ADGRL2: variants seen among roughly 807,000 people sequenced by gnomAD.
ADGRL2 encodes the protein adhesion G protein-coupled receptor L2.
ADGRL2 carries 44 observed loss-of-function variants against 157.4 expected under a neutral mutation model. The ratio of observed to expected loss-of-function variants is 0.28; its 90% CI spans 0.22 to 0.36. ADGRL2 has a LOEUF of 0.36. Ranked by LOEUF, ADGRL2 falls within the 10% of genes least tolerant of loss-of-function variation. ADGRL2 has a pLI of 1.00. For missense variants in ADGRL2, 1,510 were observed against 1,768.9 expected (o/e 0.85, Z 2.63); for synonymous variants, 585 against 624.7 (o/e 0.94, Z 0.95).
intron 2 of ADGRL2, among the ~76,000 whole-genome samples, chr1:81,903,730 C>T (rs370682658): frequency 7.6e-6 from 1 of 131,956 alleles, no homozygotes; most frequent in Non-Finnish European, 1.6e-5. Flanking sequence ...TATATATATA[C>T]ATTATATATA....
At chr1:81,646,800 A>G (rs1284952630) in intron 3 of ADGRL2, among the ~76,000 whole-genome samples, 1 of 152,162 alleles carries the variant, frequency 6.6e-6, no homozygotes, top group Non-Finnish European at 1.5e-5. Flanking sequence ...TGTCTGACAT[A>G]GGCCCTGCCA....
rs967848187 is a variant in ADGRL2, at chr1:81,951,897, A to G, written c.1609-60A>G. On this transcript the variant is annotated intron_variant, in intron 8 of 23. Coordinates refer to ENST00000686636, the MANE Select transcript of ADGRL2 (RefSeq NM_001366006.2). ...CACCACAATAAAGATACTCAAGGAGAACTAGAAGCTGTAAACAGAAAAAAA... is the reference window on the plus strand; with the variant it reads ...CACCACAATAAAGATACTCAAGGAGGACTAGAAGCTGTAAACAGAAAAAAA... The G allele has an allele frequency of 8.9e-6, 12 of 1,346,102 alleles. No individual in the cohort carries two copies. The Admixed American group carries it at 2.7e-4, about 30-fold the overall frequency. 83.4% of individuals were successfully genotyped at this position (1,346,102 alleles called of 1,614,324 possible). A position where few individuals can be genotyped will look rare whatever the true frequency, so the allele number is the denominator to read the frequency against.
At chr1:81,770,964 T>C (rs2086345975) in intron 2 of ADGRL2, among the ~76,000 whole-genome samples, 2 of 152,150 alleles carry the variant, frequency 1.3e-5, no homozygotes, top group South Asian at 2.1e-4. Flanking sequence ...AACTTTCTTA[T>C]TAATTCTCAA....
chr1:81,684,188 A>G (rs1051923792), intron 3 of ADGRL2, among the ~76,000 whole-genome samples: 1 of 152,166 alleles, frequency 6.6e-6, no homozygotes, highest in South Asian at 2.1e-4. Flanking sequence ...TTCTACTTTC[A>G]GTTCTTTAAG....
chr1:81,473,820 G>A (rs962985324), intron 2 of ADGRL2, among the ~76,000 whole-genome samples: 1 of 151,976 alleles, frequency 6.6e-6, no homozygotes, highest in Non-Finnish European at 1.5e-5. Flanking sequence ...CTTCAAAAGA[G>A]AACCATTTGT....
intron 17 of ADGRL2, among the ~76,000 whole-genome samples, chr1:81,972,453 A>G (rs969526962): frequency 6.6e-6 from 1 of 152,190 alleles, no homozygotes; most frequent in Non-Finnish European, 1.5e-5. Flanking sequence ...AAGATACCAA[A>G]TGAATATACT....
At chr1:81,677,034 T>C (rs2083009350) in intron 3 of ADGRL2, among the ~76,000 whole-genome samples, 3 of 151,444 alleles carry the variant, frequency 2.0e-5, no homozygotes, top group Non-Finnish European at 2.9e-5. Context: ...TTGCCCAGGC[T>C]GGAGTGCAAT....
intron 1 of ADGRL2, among the ~76,000 whole-genome samples, chr1:81,403,945 G>T (rs534987311): frequency 1.3e-5 from 2 of 151,720 alleles, no homozygotes; most frequent in African/African-American, 4.8e-5. Context: ...CTACAGGTGC[G>T]CACCACCACA....
At chr1:81,380,942 T>G (rs1266676821) in intron 1 of ADGRL2, among the ~76,000 whole-genome samples, 1 of 152,122 alleles carries the variant, frequency 6.6e-6, no homozygotes, top group African/African-American at 2.4e-5. Flanking sequence ...ATGAAATATA[T>G]AAATAAATAA....
At chr1:81,592,339 A>G (rs1298560079) in intron 3 of ADGRL2, among the ~76,000 whole-genome samples, 1 of 152,232 alleles carries the variant, frequency 6.6e-6, no homozygotes, top group Non-Finnish European at 1.5e-5. Flanking sequence ...AAATTGTTAA[A>G]TGAATGTGTT....
intron 1 of ADGRL2, among the ~76,000 whole-genome samples, chr1:81,434,834 A>G (rs796650387): frequency 1.4e-3 from 213 of 152,302 alleles, no homozygotes; most frequent in African/African-American, 4.8e-3. Flanking sequence ...ACTGGGCTTA[A>G]GTCACTGCTC....
At chr1:81,553,913 C>A (rs1028302850) in intron 2 of ADGRL2, among the ~76,000 whole-genome samples, 2 of 152,140 alleles carry the variant, frequency 1.3e-5, no homozygotes, top group Non-Finnish European at 2.9e-5. Flanking sequence ...GCAAATAGAA[C>A]CAACACTGTT....
chr1:81,941,988 T>C, intron 4 of ADGRL2, 46 bp from the exon 5 acceptor site: 1 of 755,946 alleles, frequency 1.3e-6, no homozygotes, highest in Non-Finnish European at 2.5e-6. Context: ...TTTTTCTTTT[T>C]TCCTTGCACC....
In ADGRL2 at chr1:81,526,131, T is replaced by C. The variant is rs1365448598; in HGVS notation, c.-247-54745T>C. On this transcript the variant is annotated intron_variant, in intron 2 of 24. Coordinates refer to the ADGRL2 transcript ENST00000370721. ...TTACATAAAAGCTAAAGAAGTAAAA[T>C]TAAGCAGATTTGCAAGCTTATTTTG... 2.0e-5 allele frequency among the ~76,000 whole-genome samples: 3 copies of C among 152,340 alleles called. No individual in the cohort carries two copies. The East Asian group carries it at 5.8e-4, about 29-fold the overall frequency.
At chr1:81,383,144 C>T (rs1270496140) in intron 1 of ADGRL2, among the ~76,000 whole-genome samples, 2 of 152,070 alleles carry the variant, frequency 1.3e-5, no homozygotes, top group Non-Finnish European at 2.9e-5. Context: ...TTTGTTGAGC[C>T]GCATTACAGG....
chr1:81,381,577 G>GA (rs71592735), intron 1 of ADGRL2, among the ~76,000 whole-genome samples: 22 of 149,924 alleles, frequency 1.5e-4, no homozygotes, highest in East Asian at 7.8e-4. Context: ...TGTCTCAAAG[G>GA]AAAAAAAAAT....
At chr1:81,448,708 CA>C (rs1385813416) in intron 2 of ADGRL2, among the ~76,000 whole-genome samples, 1 of 151,550 alleles carries the variant, frequency 6.6e-6, no homozygotes, top group Non-Finnish European at 1.5e-5. Context: ...AACAGACAAA[CA>C]AAAAAACAAT....
Position 81,359,596 on chromosome 1 carries a change from T to C in ADGRL2, c.-302+53087T>C, listed in dbSNP as rs191416453. The stretch of plus-strand genomic sequence containing the variant: ...TCATACATAATAGACATTGCTAACA[T>C]GATTACAATATGATTAAGTTTTTAT... On this transcript the variant is annotated intron_variant, in intron 1 of 24. Transcript: ENST00000370721. 5.3e-5 allele frequency among the ~76,000 whole-genome samples: 8 copies of C among 152,208 alleles called. No individual in the cohort carries two copies. In the East Asian group the frequency reaches 1.5e-3, roughly 29 times the overall value.
At chr1:81,900,977 C>G (rs529685016) in intron 2 of ADGRL2, among the ~76,000 whole-genome samples, 7 of 152,170 alleles carry the variant, frequency 4.6e-5, no homozygotes, top group Admixed American at 2.6e-4. Flanking sequence ...CAGCCACACA[C>G]TGTGAGGGCA....
Sources: allele counts gnomAD v4.1 joint callset (sites outside exome capture counted in the v4.1 genomes callset), GRCh38; gene constraint gnomAD v4.1.1; transcripts MANE v1.5; gene names NCBI Gene and HGNC (gene_info 2026-07-23, HGNC 2026-07-21).